The following BBX variants were observed in gnomAD, a reference collection of about 807,000 sequenced individuals.
BBX encodes HMG box transcription factor BBX.
A neutral mutation model predicts 100.2 loss-of-function variants in BBX; 30 were observed. The observed-to-expected ratio is 0.30, with a 90% CI of 0.22 to 0.41. The LOEUF (loss-of-function observed/expected upper bound fraction) is 0.41. Among genes scored for constraint, BBX ranks in the 10% least tolerant of loss-of-function variants. BBX has a pLI of 1.00. For missense variants in BBX, 1,023 were observed against 1,129.8 expected, an observed-to-expected ratio of 0.91 and a Z score of 1.35; for synonymous variants, 376 against 388.1, an observed-to-expected ratio of 0.97 and a Z score of 0.37.
At chr3:107,538,768 AATC>A in intron 2 of BBX, among the ~76,000 whole-genome samples, 1 of 152,056 alleles carries the variant, frequency 6.6e-6, no homozygotes, top group Admixed American at 6.5e-5. Flanking sequence ...ACACAGTACT[AATC>A]ATTGTGTGAA....
Position 107,773,746 on chromosome 3 carries a change from CTTACATT to C in BBX, c.1915+112_1915+118del. The C allele has an allele frequency of 2.1e-6, 2 of 935,498 alleles. No homozygotes were observed. The highest frequency in any genetic ancestry group is 3.1e-6 in the Non-Finnish European group (2 of 636,230). 57.9% of individuals were successfully genotyped at this position (935,498 alleles called of 1,614,324 possible). On this transcript the variant is annotated intron_variant, in intron 11 of 17. Transcript: ENST00000325805. This position sits in a 1 kb window ranked among gnomAD's most constrained non-coding sequence, Gnocchi z 4.1. ...AAACAATATGGTATCAAAATAATAC[CTTACATT>C]TGTATATTTCTTTATGGTTTATAGA...
intron 14 of BBX, among the ~76,000 whole-genome samples, chr3:107,790,556 TC>T (rs887956119): frequency 2.0e-5 from 3 of 152,202 alleles, no homozygotes; most frequent in Non-Finnish European, 4.4e-5. Context: ...ATCTCTTTCT[TC>T]CCATAGTGCA....
rs568617333 is a variant in BBX at position 107,542,310 on chromosome 3, T to C, written c.-84+15912T>C. Among the ~76,000 whole-genome samples the C allele has an allele frequency of 3.9e-5, 6 of 152,312 alleles. No homozygotes were observed. In the South Asian group the frequency reaches 1.2e-3, roughly 32 times the overall value. On this transcript the variant is annotated intron_variant, in intron 2 of 17. Coordinates refer to ENST00000325805, the MANE Select transcript of BBX (RefSeq NM_001142568.3). ...GACACAAAAGCGGTTTATTTTAGAA[T>C]GTTTATTTCTATAGATTGTCATTAC...
At chr3:107,744,535 T>C in intron 7 of BBX, 95 bp from the exon 8 acceptor site, 1 of 897,736 alleles carries the variant, frequency 1.1e-6, no homozygotes, top group South Asian at 1.6e-5. Flanking sequence ...TAACTGTTGT[T>C]GATAATAAAG....
chr3:107,798,772 G>A (rs779173702), intron 16 of BBX, 52 bp downstream of exon 16: 5 of 1,517,830 alleles, frequency 3.3e-6, no homozygotes, highest in Non-Finnish European at 3.6e-6. Context: ...AGCTTCCCTG[G>A]GCCACACTGG....
chr3:107,523,797 C>G (rs1040626685), intron 1 of BBX: 2 of 152,450 alleles, frequency 1.3e-5, no homozygotes, highest in African/African-American at 2.4e-5. Flanking sequence ...AGCCCAGTTG[C>G]TCGTTCATCT....
intron 6 of BBX, among the ~76,000 whole-genome samples, chr3:107,732,421 A>T (rs1048864563): frequency 3.9e-5 from 6 of 152,206 alleles, no homozygotes; most frequent in African/African-American, 1.4e-4. Context: ...ATCAGTTAAT[A>T]TAAATTTATT....
intron 5 of BBX, among the ~76,000 whole-genome samples, chr3:107,720,986 A>G (rs959386011): frequency 9.9e-5 from 15 of 152,036 alleles, no homozygotes; most frequent in African/African-American, 3.6e-4. Context: ...AAATAGTATA[A>G]TTTGTATTCT....
intron 7 of BBX, among the ~76,000 whole-genome samples, chr3:107,742,088 C>T (rs1294798380): frequency 1.3e-5 from 2 of 152,112 alleles, no homozygotes; most frequent in African/African-American, 2.4e-5. Flanking sequence ...ATATATTTTA[C>T]AATTTTTCTT....
At chr3:107,749,773 A>G (rs1411171202) in intron 9 of BBX, among the ~76,000 whole-genome samples, 1 of 151,926 alleles carries the variant, frequency 6.6e-6, no homozygotes, top group Non-Finnish European at 1.5e-5. Context: ...AGCTGGGATT[A>G]CAGGTGTCCA....
At position 107,807,525 on chromosome 3, in the gene BBX, A is replaced by G. The variant is rs1576912799; in HGVS notation, c.*2068A>G. 1 of 152,186 alleles carries G rather than the reference A, an allele frequency of 6.6e-6. No homozygotes were observed. Among genetic ancestry groups the G allele is most frequent in the African/African-American group, 2.4e-5 (1 of 41,446 alleles). The allele number at this position is 152,186 out of a possible 1,614,324, so 9.4% of individuals were successfully genotyped here. On this transcript the variant is annotated 3_prime_UTR_variant, in exon 18 of 18. Coordinates refer to ENST00000325805, the MANE Select transcript of BBX (RefSeq NM_001142568.3). ...TGAAGATTATAATTAGCTAAAATCC[A>G]AAACAAAAAACCAACAACAAAAATT...
intron 2 of BBX, among the ~76,000 whole-genome samples, chr3:107,534,553 C>T (rs1008508464): frequency 6.6e-6 from 1 of 151,786 alleles, no homozygotes; most frequent in South Asian, 2.1e-4. Flanking sequence ...ATCTGTGATA[C>T]TGCATAAAAA....
chr3:107,786,531 A>G (rs2068445238), intron 13 of BBX, among the ~76,000 whole-genome samples: 1 of 152,190 alleles, frequency 6.6e-6, no homozygotes, highest in South Asian at 2.1e-4. Flanking sequence ...CAAGGGTGCC[A>G]AGAATATCCA....
chr3:107,591,511 C>A (rs2053309652), intron 2 of BBX, among the ~76,000 whole-genome samples: 1 of 152,070 alleles, frequency 6.6e-6, no homozygotes, highest in Non-Finnish European at 1.5e-5. Context: ...TTTTTTGAGA[C>A]ACTTCTCACT....
chr3:107,806,482 A>G lies in BBX; in HGVS notation c.*1025A>G, dbSNP rs954200728. ...TCACAGATTGGCTGGACGGGTTGCAATTGCTATGCACAGCCTGATTGGCAC... is the reference window on the plus strand; with the variant it reads ...TCACAGATTGGCTGGACGGGTTGCAGTTGCTATGCACAGCCTGATTGGCAC... On this transcript the variant is annotated 3_prime_UTR_variant, in exon 18 of 18. Coordinates refer to ENST00000325805, the MANE Select transcript of BBX (RefSeq NM_001142568.3). The G allele has an allele frequency of 1.3e-5, 2 of 152,204 alleles. No homozygotes were observed. The highest frequency in any genetic ancestry group is 1.3e-4 in the Admixed American group (2 of 15,280). 9.4% of individuals were successfully genotyped at this position (152,204 alleles called of 1,614,324 possible). A position where few individuals can be genotyped will look rare whatever the true frequency, so the allele number is the denominator to read the frequency against.
At chr3:107,713,512 C>A (rs1205642219) in intron 4 of BBX, among the ~76,000 whole-genome samples, 1 of 152,104 alleles carries the variant, frequency 6.6e-6, no homozygotes, top group Non-Finnish European at 1.5e-5. Flanking sequence ...AAAATAAGTT[C>A]TAAACTCTAA....
At chr3:107,718,216 A>G in intron 5 of BBX, among the ~76,000 whole-genome samples, 1 of 147,818 alleles carries the variant, frequency 6.8e-6, no homozygotes, top group Non-Finnish European at 1.5e-5. Context: ...TTATATTAGT[A>G]TAATTATTAA....
chr3:107,698,278 C>A (rs1035200979), intron 3 of BBX, among the ~76,000 whole-genome samples: 1 of 151,560 alleles, frequency 6.6e-6, no homozygotes, highest in African/African-American at 2.4e-5. Flanking sequence ...GAAAAATTAC[C>A]TTTTAAACTT....
At chr3:107,707,193 G>T (rs1452646179) in intron 3 of BBX, among the ~76,000 whole-genome samples, 1 of 152,106 alleles carries the variant, frequency 6.6e-6, no homozygotes, top group Admixed American at 6.5e-5. Context: ...TCCAGGCCCT[G>T]TACTAGGGGT....
Sources: allele counts gnomAD v4.1 joint callset (sites outside exome capture counted in the v4.1 genomes callset), GRCh38; gene constraint gnomAD v4.1.1; non-coding constraint Gnocchi (gnomAD v3.1); transcripts MANE v1.5; gene names NCBI Gene and HGNC (gene_info 2026-07-23, HGNC 2026-07-21).